The following NDUFV2 variants were observed in gnomAD, a reference collection of about 807,000 sequenced individuals.
NDUFV2 encodes NADH:ubiquinone oxidoreductase core subunit V2, also known as NADH dehydrogenase [ubiquinone] flavoprotein 2, mitochondrial.
A neutral mutation model predicts 31.6 loss-of-function variants in NDUFV2; 18 were observed. The ratio of observed to expected loss-of-function variants is 0.57; its 90% CI spans 0.39 to 0.84. The LOEUF (loss-of-function observed/expected upper bound fraction) is 0.84. NDUFV2 is among the 40% of genes least tolerant of loss of function. The probability of loss-of-function intolerance (pLI) is 0.00; values close to 1 mark genes in which losing one functional copy is unlikely to be tolerated. For missense variants in NDUFV2, 314 were observed against 303.6 expected (o/e 1.03, Z -0.26); for synonymous variants, 83 against 99.8 (o/e 0.83, Z 1.01).
At chr18:9,127,078 C>A (rs1228420620) in intron 7 of NDUFV2, among the ~76,000 whole-genome samples, 171 bp downstream of exon 7, 1 of 151,738 alleles carries the variant, frequency 6.6e-6, no homozygotes. Flanking sequence ...TTTCTAAAAC[C>A]CTGTCTGATA....
At chr18:9,124,183 G>GT (rs58787138) in intron 5 of NDUFV2, among the ~76,000 whole-genome samples, 13,405 of 144,386 alleles carry the variant, frequency 0.093, 684 homozygotes, top group African/African-American at 0.14. Flanking sequence ...ATTACATAGA[G>GT]TTTTTTTTTT....
At chr18:9,125,768 ATTTGC>A (rs1304096640) in intron 6 of NDUFV2, among the ~76,000 whole-genome samples, 1 of 151,958 alleles carries the variant, frequency 6.6e-6, no homozygotes, top group Non-Finnish European at 1.5e-5. Context: ...TTAAGAAGGG[ATTTGC>A]TTTGTTTCTC....
chr18:9,122,550 A>AT lies in NDUFV2; in HGVS notation c.339dup (p.Glu114Ter). ...TTACAAGTACCTCCAATGAGAGTATATGAAGTAGCAACTTTTTATACAATG... is the reference window on the plus strand; with the variant it reads ...TTACAAGTACCTCCAATGAGAGTATATTGAAGTAGCAACTTTTTATACAATG... On this transcript the variant is annotated frameshift_variant, in exon 5 of 8. Coordinates refer to ENST00000318388, the MANE Select transcript of NDUFV2 (RefSeq NM_021074.5). LOFTEE classifies it high-confidence loss of function. 1 of 1,613,968 alleles carries AT rather than the reference A, an allele frequency of 6.2e-7. No individual in the cohort carries two copies. The highest frequency in any genetic ancestry group is 1.3e-5 in the African/African-American group (1 of 75,046).
chr18:9,123,303 G>A (rs1204045155), intron 5 of NDUFV2, among the ~76,000 whole-genome samples: 1 of 152,072 alleles, frequency 6.6e-6, no homozygotes, highest in Non-Finnish European at 1.5e-5. Flanking sequence ...AACAGCTGAA[G>A]TTGGCTCAAA....
chr18:9,108,105 A>G (rs2077850853), intron 1 of NDUFV2, among the ~76,000 whole-genome samples: 1 of 152,194 alleles, frequency 6.6e-6, no homozygotes, highest in African/African-American at 2.4e-5. Flanking sequence ...TCTTTAATAT[A>G]TGGTCAAGAT....
chr18:9,124,471 T>A (rs532142670), intron 5 of NDUFV2, among the ~76,000 whole-genome samples: 1 of 141,170 alleles, frequency 7.1e-6, no homozygotes, highest in East Asian at 2.1e-4. Context: ...TTTTTGGAGA[T>A]GGAGTCTTGC....
intron 7 of NDUFV2, among the ~76,000 whole-genome samples, chr18:9,128,722 T>C (rs1201153679): frequency 1.3e-5 from 2 of 152,240 alleles, no homozygotes; most frequent in African/African-American, 4.8e-5. Context: ...ACAAGCTTCA[T>C]CTGCTTTTTA....
chr18:9,104,228 A>G (rs2077829715), intron 1 of NDUFV2: 1 of 1,612,602 alleles, frequency 6.2e-7, no homozygotes, highest in African/African-American at 1.3e-5. Context: ...TGTTGGAGGT[A>G]AGGTGTGTTC....
At chr18:9,113,304 A>T (rs2077881027) in intron 1 of NDUFV2, among the ~76,000 whole-genome samples, 1 of 152,172 alleles carries the variant, frequency 6.6e-6, no homozygotes, top group Non-Finnish European at 1.5e-5. Flanking sequence ...TTCTTTTATG[A>T]TGTCTCTGTT....
intron 1 of NDUFV2, chr18:9,105,128 C>A: frequency 1.2e-6 from 1 of 852,266 alleles, no homozygotes; most frequent in Non-Finnish European, 1.6e-6. Flanking sequence ...CCCTTCTAAC[C>A]TTTCACAAGT....
intron 5 of NDUFV2, among the ~76,000 whole-genome samples, chr18:9,123,833 C>T (rs1490072591): frequency 6.6e-6 from 1 of 152,204 alleles, no homozygotes; most frequent in African/African-American, 2.4e-5. Flanking sequence ...GATGTACACA[C>T]ACATCTTTGC....
chr18:9,127,096 G>A (rs1009247287), intron 7 of NDUFV2, among the ~76,000 whole-genome samples, 189 bp downstream of exon 7: 1 of 152,022 alleles, frequency 6.6e-6, no homozygotes, highest in African/African-American at 2.4e-5. Flanking sequence ...ATAATCATCC[G>A]ATACCTGAAT....
rs1555697081 is a variant in NDUFV2, at chr18:9,118,819, T to TTG, written c.121-506_121-505insGT. Reference sequence around the variant, plus strand: ...ACGTGGGAAAGAGATGGTGCTGTTTTTTTTTTTTTTTTTTTTTTTTTAAGA... The same window carrying TTG: ...ACGTGGGAAAGAGATGGTGCTGTTTTTGTTTTTTTTTTTTTTTTTTTTTAAGA... On this transcript the variant is annotated intron_variant, in intron 2 of 7. Transcript: ENST00000318388. Among the ~76,000 whole-genome samples the TTG allele has an allele frequency of 2.7e-5, 4 of 146,766 alleles. No individual in the cohort carries two copies. The South Asian group carries it at 6.5e-4, about 24-fold the overall frequency.
Position 9,119,460 on chromosome 18 carries a change from T to G in NDUFV2, c.184-14T>G. On this transcript the variant is annotated splice_polypyrimidine_tract_variant and intron_variant, in intron 3 of 7. Transcript: ENST00000318388. Reference sequence around the variant, plus strand: ...TTTCTAGATGTATAAAATGATGTTCTTTCTTTTATACAGAGGATAGAGGCA... The same window carrying G: ...TTTCTAGATGTATAAAATGATGTTCGTTCTTTTATACAGAGGATAGAGGCA... 1.9e-6 allele frequency: 3 copies of G among 1,609,240 alleles called. No homozygotes were observed. Among genetic ancestry groups the G allele is most frequent in the Non-Finnish European group, 2.6e-6 (3 of 1,175,766 alleles).
At chr18:9,127,870 A>C (rs914236614) in intron 7 of NDUFV2, among the ~76,000 whole-genome samples, 2 of 152,204 alleles carry the variant, frequency 1.3e-5, no homozygotes, top group African/African-American at 4.8e-5. Context: ...GTGCCTAATT[A>C]TATCAACTCC....
At chr18:9,109,674 C>T (rs2077859942) in intron 1 of NDUFV2, among the ~76,000 whole-genome samples, 1 of 152,166 alleles carries the variant, frequency 6.6e-6, no homozygotes, top group South Asian at 2.1e-4. Flanking sequence ...GGCTCAAAAT[C>T]CAGGTCTGTC....
intron 1 of NDUFV2, among the ~76,000 whole-genome samples, chr18:9,111,851 C>A (rs957012313): frequency 6.6e-6 from 1 of 151,818 alleles, no homozygotes; most frequent in African/African-American, 2.4e-5. Context: ...TATTGTCTCT[C>A]CATACATAGG....
chr18:9,104,550 G>A (rs1308466780), intron 1 of NDUFV2, among the ~76,000 whole-genome samples: 1 of 152,152 alleles, frequency 6.6e-6, no homozygotes, highest in African/African-American at 2.4e-5. Context: ...TGTTTTTGAG[G>A]CAAAGGGGCT....
chr18:9,128,581 G>T (rs909717906), intron 7 of NDUFV2, among the ~76,000 whole-genome samples: 21 of 152,076 alleles, frequency 1.4e-4, no homozygotes, highest in Admixed American at 1.3e-3. Context: ...CCTTTATGGA[G>T]GCAACTGAAG....
Sources: allele counts gnomAD v4.1 joint callset (sites outside exome capture counted in the v4.1 genomes callset), GRCh38; gene constraint gnomAD v4.1.1; transcripts MANE v1.5; gene names NCBI Gene and HGNC (gene_info 2026-07-23, HGNC 2026-07-21).